NEU1: variants seen among roughly 807,000 people sequenced by gnomAD.
NEU1 encodes the protein sialidase-1.
Under a neutral mutation model 38.3 loss-of-function variants are expected in NEU1, and 32 were observed. That is an observed-to-expected ratio of 0.84 (90% CI 0.63 to 1.12). The LOEUF (loss-of-function observed/expected upper bound fraction) is 1.12. Among genes scored for constraint, NEU1 ranks in the 50% most tolerant of loss-of-function variants. The pLI is 0.00. For synonymous variants in NEU1, 192 were observed against 225.2 expected (o/e 0.85, Z 1.32); for missense variants, 431 against 549.2 (o/e 0.78, Z 2.15).
At chr6:31,859,991 C>T in intron 5 of NEU1, 46 bp from the exon 6 acceptor site, 1 of 1,612,656 alleles carries the variant, frequency 6.2e-7, no homozygotes, top group Non-Finnish European at 8.5e-7. Context: ...CTGCCCAGGC[C>T]TTGTCTAGAC....
Position 31,861,445 on chromosome 6 carries a change from T to A in NEU1, c.358A>T (p.Thr120Ser). ...ALRRSMDQGSTWSPTAFIVND... is the reference protein window; with the variant it reads ...ALRRSMDQGSSWSPTAFIVND... ...ACAATGAACGCTGTAGGAGACCATG[T>A]GCTGCCTGAAAAAAATTGGAGGAAG... is the stretch of plus-strand genomic sequence containing the variant. Residue 120 changes from threonine to serine, a missense_variant, in exon 3 of 6, where the codon ACA becomes TCA. Coordinates refer to ENST00000375631, the MANE Select transcript of NEU1 (RefSeq NM_000434.4). The A allele has an allele frequency of 1.2e-6, 2 of 1,612,864 alleles. No individual in the cohort carries two copies. The highest frequency in any genetic ancestry group is 1.7e-6 in the Non-Finnish European group (2 of 1,180,028).
rs1762369544 is a variant in NEU1, at chr6:31,858,169, G to A, written c.*1550C>T. On this transcript the variant is annotated 3_prime_UTR_variant, in exon 6 of 6. Coordinates refer to ENST00000375631, the MANE Select transcript of NEU1 (RefSeq NM_000434.4). ...TGAGCCACCACGCTTGGCCAAGTGT[G>A]GATTTTAAAATATCTTACAGGCTGG... 1 of 152,050 alleles carries A rather than the reference G, an allele frequency of 6.6e-6. No individual in the cohort carries two copies. The highest frequency in any genetic ancestry group is 1.5e-5 in the Non-Finnish European group (1 of 68,022). 9.4% of individuals were successfully genotyped at this position (152,050 alleles called of 1,614,324 possible).
Position 31,859,465 on chromosome 6 carries a change from G to A in NEU1, c.*254C>T. The A allele has an allele frequency of 1.6e-6, 1 of 612,458 alleles. No homozygotes were observed. The highest frequency in any genetic ancestry group is 2.9e-6 in the Non-Finnish European group (1 of 340,696). 37.9% of individuals were successfully genotyped at this position (612,458 alleles called of 1,614,324 possible). A position where few individuals can be genotyped will look rare whatever the true frequency, so the allele number is the denominator to read the frequency against. On this transcript the variant is annotated 3_prime_UTR_variant, in exon 6 of 6. Transcript: ENST00000375631. ...TCAATGTCCCGGGAGGGCAGAGAGG[G>A]TGGTGGGGCCACACTTAGCCATATG...
At chr6:31,861,853 A>C in intron 2 of NEU1, 146 bp downstream of exon 2, 3 of 879,548 alleles carry the variant, frequency 3.4e-6, no homozygotes, top group Non-Finnish European at 5.7e-6. Context: ...ACTGTCCTAG[A>C]CACTTGCCCT....
chr6:31,862,450 G>A lies in NEU1; in HGVS notation c.159+168C>T, dbSNP rs935093461. ...AAGGGGCTCGAATGAGGAGAAGGAC[G>A]GGGACCCGGAGAGGGAGAGGGGCTG... On this transcript the variant is annotated intron_variant, in intron 1 of 5. Transcript: ENST00000375631. The surrounding 1 kb of genome is among the most constrained non-coding windows in gnomAD (Gnocchi z 6.3). Among the ~76,000 whole-genome samples the A allele has an allele frequency of 6.6e-6, 1 of 152,170 alleles. No individual in the cohort carries two copies. Among genetic ancestry groups the A allele is most frequent in the Non-Finnish European group, 1.5e-5 (1 of 68,022 alleles).
Position 31,862,466 on chromosome 6 carries a change from A to G in NEU1, c.159+152T>C. On this transcript the variant is annotated intron_variant, in intron 1 of 5. Transcript: ENST00000375631. The surrounding 1 kb of genome is among the most constrained non-coding windows in gnomAD (Gnocchi z 6.3). The stretch of plus-strand genomic sequence containing the variant: ...GAGAAGGACGGGGACCCGGAGAGGG[A>G]GAGGGGCTGGGAGCGGTAGGAGGAA... The G allele has an allele frequency of 1.8e-6, 2 of 1,136,368 alleles. No homozygotes were observed. Among genetic ancestry groups the G allele is most frequent in the Non-Finnish European group, 2.6e-6 (2 of 781,502 alleles). 70.4% of individuals were successfully genotyped at this position (1,136,368 alleles called of 1,614,324 possible).
intron 3 of NEU1, 171 bp downstream of exon 3, chr6:31,861,017 C>A: frequency 1.1e-6 from 1 of 885,716 alleles, no homozygotes; most frequent in Non-Finnish European, 1.7e-6. Flanking sequence ...GCAGAGTTCC[C>A]TCTTCTCCTG....
rs1012382724 is a variant in NEU1, at chr6:31,859,924, C to T, written c.1043G>A (p.Trp348Ter). 6.2e-7 allele frequency: 1 copy of T among 1,613,036 alleles called. No homozygotes were observed. Among genetic ancestry groups the T allele is most frequent in the Non-Finnish European group, 8.5e-7 (1 of 1,180,022 alleles). ...PEFRVNLTLR[W>*]SFSNGTSWRK... Reference sequence around the variant, plus strand: ...CCATGAGGTACCATTGCTGAAGCTCCATCGCAGGGTCAGGTTCACTCCTGG... The same window carrying T: ...CCATGAGGTACCATTGCTGAAGCTCTATCGCAGGGTCAGGTTCACTCCTGG... The change falls in exon 6 of 6, where the codon TGG (tryptophan) becomes TAG (stop). Residue 348 changes from tryptophan (W) to a stop codon, truncating the protein, a stop_gained. Transcript: ENST00000375631. LOFTEE classifies it high-confidence loss of function.
At position 31,860,708 on chromosome 6, in the gene NEU1, T is replaced by C; in HGVS notation, c.616-87A>G. On this transcript the variant is annotated intron_variant, in intron 3 of 5. Transcript: ENST00000375631. This position sits in a 1 kb window ranked among gnomAD's most constrained non-coding sequence, Gnocchi z 4.8. ...AGAACCCACCACTTCCCAAATGCAA[T>C]CACATGTATGGTCCCCTTGAGTTCA... 6.9e-7 allele frequency: 1 copy of C among 1,443,642 alleles called. No homozygotes were observed. The highest frequency in any genetic ancestry group is 9.7e-7 in the Non-Finnish European group (1 of 1,029,488). The allele number at this position is 1,443,642 out of a possible 1,614,324, so 89.4% of individuals were successfully genotyped here.
chr6:31,860,345 A>C lies in NEU1; in HGVS notation c.799-81T>G. On this transcript the variant is annotated intron_variant, in intron 4 of 5. Coordinates refer to ENST00000375631, the MANE Select transcript of NEU1 (RefSeq NM_000434.4). This position sits in a 1 kb window ranked among gnomAD's most constrained non-coding sequence, Gnocchi z 4.8. ...AGGGGAGCAAGGGTGTGTGGCACTG[A>C]GTGGAGCAGTCAGACCCTGGGTCTG... is the stretch of plus-strand genomic sequence containing the variant. 1 of 1,603,404 alleles carries C rather than the reference A, an allele frequency of 6.2e-7. No homozygotes were observed. Among genetic ancestry groups the C allele is most frequent in the Non-Finnish European group, 8.5e-7 (1 of 1,170,722 alleles).
chr6:31,860,790 TAAG>T lies in NEU1; in HGVS notation c.616-172_616-170del. 1 of 751,166 alleles carries T rather than the reference TAAG, an allele frequency of 1.3e-6. No individual in the cohort carries two copies. Among genetic ancestry groups the T allele is most frequent in the Non-Finnish European group, 2.3e-6 (1 of 442,266 alleles). The allele number at this position is 751,166 out of a possible 1,614,324, so 46.5% of individuals were successfully genotyped here. A position where few individuals can be genotyped will look rare whatever the true frequency, so the allele number is the denominator to read the frequency against. ...CCATAAATACACACCCTGTTTGAAT[TAAG>T]AAGCTCTCCCAGGGTGTACAGCTGG... On this transcript the variant is annotated intron_variant, in intron 3 of 5. Transcript: ENST00000375631. This position sits in a 1 kb window ranked among gnomAD's most constrained non-coding sequence, Gnocchi z 4.8.
rs1050996693 is a variant in NEU1 at position 31,860,687 on chromosome 6, C to T, written c.616-66G>A. 5 of 1,553,578 alleles carry T rather than the reference C, an allele frequency of 3.2e-6. No individual in the cohort carries two copies. The highest frequency in any genetic ancestry group is 4.4e-6 in the Non-Finnish European group (5 of 1,128,400). Reference sequence around the variant, plus strand: ...GGGGCTCAGAGGCAGGGACAGAGAACCCACCACTTCCCAAATGCAATCACA... The same window carrying T: ...GGGGCTCAGAGGCAGGGACAGAGAATCCACCACTTCCCAAATGCAATCACA... On this transcript the variant is annotated intron_variant, in intron 3 of 5. Transcript: ENST00000375631. The surrounding 1 kb of genome is among the most constrained non-coding windows in gnomAD (Gnocchi z 4.8).
chr6:31,860,675 A>G lies in NEU1; in HGVS notation c.616-54T>C. On this transcript the variant is annotated intron_variant, in intron 3 of 5. Coordinates refer to ENST00000375631, the MANE Select transcript of NEU1 (RefSeq NM_000434.4). The surrounding 1 kb of genome is among the most constrained non-coding windows in gnomAD (Gnocchi z 4.8). Reference sequence around the variant, plus strand: ...AAGGAGACTCTAGGGGCTCAGAGGCAGGGACAGAGAACCCACCACTTCCCA... The same window carrying G: ...AAGGAGACTCTAGGGGCTCAGAGGCGGGGACAGAGAACCCACCACTTCCCA... The G allele has an allele frequency of 6.2e-7, 1 of 1,600,776 alleles. No homozygotes were observed. The highest frequency in any genetic ancestry group is 8.5e-7 in the Non-Finnish European group (1 of 1,170,442).
In NEU1 at chr6:31,862,624, G is replaced by C. The variant is rs764031403; in HGVS notation, c.153C>G (p.Phe51Leu). 5 of 1,612,986 alleles carry C rather than the reference G, an allele frequency of 3.1e-6. No individual in the cohort carries two copies. The highest frequency in any genetic ancestry group is 1.7e-5 in the Admixed American group (1 of 60,010). ...AASWSKAEND[F>L]GLVQPLVTME... ...TATGCAAAGGGTGACTCACCAGACC[G>C]AAGTCGTTCTCAGCCTTGGACCAGG... is the stretch of plus-strand genomic sequence containing the variant. Residue 51 changes from phenylalanine (F) to leucine (L), a missense_variant, in exon 1 of 6, where the codon TTC (phenylalanine) becomes TTG (leucine). By Grantham distance (22) the Phe-to-Leu change is conservative (BLOSUM62 0). Coordinates refer to ENST00000375631, the MANE Select transcript of NEU1 (RefSeq NM_000434.4). This position sits in a 1 kb window ranked among gnomAD's most constrained non-coding sequence, Gnocchi z 6.3.
Position 31,861,430 on chromosome 6 carries a change from C to G in NEU1, c.373G>C (p.Ala125Pro), listed in dbSNP as rs746501341. 6.2e-7 allele frequency: 1 copy of G among 1,612,930 alleles called. No homozygotes were observed. The highest frequency in any genetic ancestry group is 1.7e-5 in the Admixed American group (1 of 60,028). Residue 125 changes from alanine (A) to proline (P), a missense_variant, in exon 3 of 6, where the codon GCG becomes CCG. Physicochemically the swap from Ala to Pro is conservative, Grantham distance 27 (BLOSUM62 -1). Transcript: ENST00000375631. ...ACATCCCCATCATTGACAATGAACG[C>G]TGTAGGAGACCATGTGCTGCCTGAA... ...MDQGSTWSPT[A>P]FIVNDGDVPD...
chr6:31,859,810 G>A lies in NEU1; in HGVS notation c.1157C>T (p.Ala386Val). Residue 386 changes from alanine to valine, a missense_variant, in exon 6 of 6, where the codon GCC becomes GTC. Physicochemically the swap from Ala to Val is moderately conservative, Grantham distance 64. Coordinates refer to ENST00000375631, the MANE Select transcript of NEU1 (RefSeq NM_000434.4). Reference sequence around the variant, plus strand: ...CTCATACAGGACGTAGAGCTGGGGGGCCTGCTCCTCTCCATCCATGCTGCC... The same window carrying A: ...CTCATACAGGACGTAGAGCTGGGGGACCTGCTCCTCTCCATCCATGCTGCC... ...LEGSMDGEEQAPQLYVLYEKG... is the reference protein window; with the variant it reads ...LEGSMDGEEQVPQLYVLYEKG... 6.2e-7 allele frequency: 1 copy of A among 1,613,016 alleles called. No individual in the cohort carries two copies.
At chr6:31,861,842 C>G in intron 2 of NEU1, 157 bp downstream of exon 2, 1 of 825,484 alleles carries the variant, frequency 1.2e-6, no homozygotes. Flanking sequence ...ATTTCCAGAT[C>G]ACTGTCCTAG....
At chr6:31,861,945 G>C in intron 2 of NEU1, 54 bp downstream of exon 2, 1 of 1,597,742 alleles carries the variant, frequency 6.3e-7, no homozygotes, top group East Asian at 2.2e-5. Flanking sequence ...GGGCTCATTG[G>C]GCTGCCCACC....
rs1762534674 is a variant in NEU1, at chr6:31,861,983, C to T, written c.352+16G>A. 1 of 1,612,816 alleles carries T rather than the reference C, an allele frequency of 6.2e-7. No individual in the cohort carries two copies. Among genetic ancestry groups the T allele is most frequent in the Admixed American group, 1.7e-5 (1 of 60,004 alleles). On this transcript the variant is annotated intron_variant, in intron 2 of 5. Coordinates refer to ENST00000375631, the MANE Select transcript of NEU1 (RefSeq NM_000434.4). ...TCCAACCTAGCACCGGCTCTTTCAC[C>T]CAGACATCTTTATACCCTGGTCCAT...
Sources: gnomAD v4.1 joint callset for allele counts (sites outside exome capture counted in the v4.1 genomes callset) on GRCh38, gnomAD v4.1.1 for gene constraint, Gnocchi (gnomAD v3.1) non-coding constraint, MANE v1.5 for transcripts, NCBI Gene and HGNC (gene_info 2026-07-23, HGNC 2026-07-21) for gene names.